The following TRAPPC3L variants were observed in gnomAD, a reference collection of about 807,000 sequenced individuals.
The protein encoded by TRAPPC3L is trafficking protein particle complex subunit 3-like protein.
In TRAPPC3L, 23 loss-of-function variants were observed where a neutral mutation model predicts 23.7. The ratio of observed to expected loss-of-function variants is 0.97; its 90% CI spans 0.70 to 1.37. The LOEUF (loss-of-function observed/expected upper bound fraction) is 1.37. Among genes scored for constraint, TRAPPC3L ranks in the 40% most tolerant of loss-of-function variants. TRAPPC3L has a pLI of 0.00. For missense variants in TRAPPC3L, 212 were observed against 216.8 expected (o/e 0.98, Z 0.14); for synonymous variants, 81 against 77.9 (o/e 1.04, Z -0.21).
chr6:116,514,780 T>C (rs1772189682), intron 3 of TRAPPC3L, among the ~76,000 whole-genome samples: 1 of 152,218 alleles, frequency 6.6e-6, no homozygotes, highest in African/African-American at 2.4e-5. Context: ...TGTAGATTAT[T>C]ATTTCTATTT....
intron 1 of TRAPPC3L, among the ~76,000 whole-genome samples, chr6:116,544,028 A>G (rs1055877210): frequency 6.6e-6 from 1 of 152,092 alleles, no homozygotes; most frequent in African/African-American, 2.4e-5. Context: ...GAACCTAATA[A>G]TAAATCACAA....
chr6:116,505,594 C>A (rs548896448), intron 3 of TRAPPC3L, among the ~76,000 whole-genome samples: 1 of 152,296 alleles, frequency 6.6e-6, no homozygotes, highest in East Asian at 1.9e-4. Context: ...AAGCTGGAGG[C>A]ATCACGCTAC....
chr6:116,540,166 G>A (rs534849603), intron 3 of TRAPPC3L, among the ~76,000 whole-genome samples, 197 bp downstream of exon 3: 1 of 152,124 alleles, frequency 6.6e-6, no homozygotes, highest in Non-Finnish European at 1.5e-5. Context: ...AAAATCTATA[G>A]TTGCTTAAAT....
intron 3 of TRAPPC3L, among the ~76,000 whole-genome samples, chr6:116,525,458 A>T (rs1772427395): frequency 6.6e-6 from 1 of 152,168 alleles, no homozygotes; most frequent in Admixed American, 6.5e-5. Flanking sequence ...ATGACAATTG[A>T]TATAGAAGGA....
intron 2 of TRAPPC3L, among the ~76,000 whole-genome samples, chr6:116,541,030 A>G (rs996538955): frequency 3.3e-5 from 5 of 152,146 alleles, no homozygotes; most frequent in Non-Finnish European, 7.4e-5. Flanking sequence ...CAAGTTCAGA[A>G]AACTCATTTT....
intron 3 of TRAPPC3L, chr6:116,524,170 G>A (rs890844024): frequency 9.6e-5 from 8 of 83,210 alleles, no homozygotes; most frequent in African/African-American, 2.9e-4. Context: ...AAATACTCTA[G>A]AAAAAAGAGT....
intron 3 of TRAPPC3L, among the ~76,000 whole-genome samples, chr6:116,525,677 A>G (rs1184452485): frequency 6.6e-6 from 1 of 152,260 alleles, no homozygotes; most frequent in African/African-American, 2.4e-5. Flanking sequence ...AAATGAATTA[A>G]TTACTTCACC....
chr6:116,540,097 C>T (rs1044238601), intron 3 of TRAPPC3L, among the ~76,000 whole-genome samples: 1 of 152,166 alleles, frequency 6.6e-6, no homozygotes, highest in African/African-American at 2.4e-5. Flanking sequence ...CTTCTGTTTA[C>T]CTTCTGAAAA....
intron 3 of TRAPPC3L, chr6:116,515,783 C>T (rs374551311): frequency 6.2e-7 from 1 of 1,613,862 alleles, no homozygotes; most frequent in Non-Finnish European, 8.5e-7. Context: ...CGAGAGGAAC[C>T]TGAAATGTTT....
chr6:116,522,938 C>G (rs1402480283), intron 3 of TRAPPC3L: 2 of 148,092 alleles, frequency 1.4e-5, no homozygotes, highest in African/African-American at 4.9e-5. Context: ...CAGTGGTTCT[C>G]AAACTTTAGT....
intron 3 of TRAPPC3L, among the ~76,000 whole-genome samples, chr6:116,503,495 G>T (rs1771953705): frequency 6.6e-6 from 1 of 152,090 alleles, no homozygotes; most frequent in Non-Finnish European, 1.5e-5. Context: ...GGATATCAAG[G>T]ACTTGAACTC....
chr6:116,542,037 T>C (rs997871185), intron 2 of TRAPPC3L, among the ~76,000 whole-genome samples: 2 of 152,204 alleles, frequency 1.3e-5, no homozygotes, highest in African/African-American at 4.8e-5. Context: ...AAAGGTATTT[T>C]TGTAGTCAAA....
chr6:116,512,199 A>G (rs200759433), intron 3 of TRAPPC3L: 19 of 1,606,834 alleles, frequency 1.2e-5, no homozygotes, highest in South Asian at 1.1e-5. Context: ...CCTACCGTCA[A>G]TGAAGAACTG....
intron 3 of TRAPPC3L, among the ~76,000 whole-genome samples, chr6:116,525,739 A>G (rs141348429): frequency 1.1e-3 from 166 of 152,384 alleles, no homozygotes; most frequent in African/African-American, 3.9e-3. Flanking sequence ...CAGCAAAGTA[A>G]GAACTCATGA....
At chr6:116,530,926 T>TATATATATATATATATATATATAC (rs1772670405) in intron 3 of TRAPPC3L, among the ~76,000 whole-genome samples, 4 of 142,820 alleles carry the variant, frequency 2.8e-5, no homozygotes, top group Admixed American at 2.1e-4. Context: ...TATATATATA[T>TATATATATATATATATATATATAC]ATATATATAT....
intron 3 of TRAPPC3L, chr6:116,512,409 G>A (rs900418239): frequency 6.9e-6 from 5 of 724,066 alleles, no homozygotes; most frequent in African/African-American, 5.3e-5. Flanking sequence ...AAGGCTGGGT[G>A]GCTCAATAAA....
chr6:116,512,255 G>T (rs373630647), intron 3 of TRAPPC3L: 2 of 1,575,232 alleles, frequency 1.3e-6, no homozygotes, highest in Non-Finnish European at 8.6e-7. Flanking sequence ...AGACAAACTC[G>T]CCTTTTTCTC....
At position 116,495,061 on chromosome 6, in the gene TRAPPC3L, C is replaced by A. The variant is rs1771814677; in HGVS notation, c.*1893G>T. 1.4e-5 allele frequency: 2 copies of A among 139,978 alleles called. No individual in the cohort carries two copies. The highest frequency in any genetic ancestry group is 7.5e-5 in the Admixed American group (1 of 13,368). The allele number at this position is 139,978 out of a possible 1,614,324, so 8.7% of individuals were successfully genotyped here. Reference sequence around the variant, plus strand: ...CAAGCAATCCTCCCACTTTGGCATCCCAAAGTGCAGAGATTACAGGCTTGT... The same window carrying A: ...CAAGCAATCCTCCCACTTTGGCATCACAAAGTGCAGAGATTACAGGCTTGT... On this transcript the variant is annotated 3_prime_UTR_variant, in exon 5 of 5. Transcript: ENST00000368602.
intron 3 of TRAPPC3L, among the ~76,000 whole-genome samples, chr6:116,504,985 C>T (rs1411664718): frequency 2.6e-5 from 4 of 152,164 alleles, no homozygotes; most frequent in African/African-American, 9.7e-5. Flanking sequence ...TCTCACCACT[C>T]CTATTCAACA....
Sources: allele counts gnomAD v4.1 joint callset (sites outside exome capture counted in the v4.1 genomes callset), GRCh38; gene constraint gnomAD v4.1.1; transcripts MANE v1.5; gene names NCBI Gene and HGNC (gene_info 2026-07-23, HGNC 2026-07-21).